RIMS2: variants seen among roughly 807,000 people sequenced by gnomAD.
The protein encoded by RIMS2 is regulating synaptic membrane exocytosis protein 2.
In RIMS2, 59 loss-of-function variants were observed where a neutral mutation model predicts 174.4. The ratio of observed to expected loss-of-function variants is 0.34; its 90% confidence interval spans 0.27 to 0.42. The LOEUF (loss-of-function observed/expected upper bound fraction) is 0.42, where lower values mean the gene tolerates loss of function less well. Among genes scored for constraint, RIMS2 ranks in the 10% least tolerant of loss-of-function variants. The pLI, the probability that RIMS2 is intolerant of heterozygous loss-of-function variation, is 1.00. For synonymous variants in RIMS2, 606 were observed against 572.5 expected, an observed-to-expected ratio of 1.06 and a Z score of -0.84; for missense variants, 1,620 against 1,666.3, an observed-to-expected ratio of 0.97 and a Z score of 0.48.
chr8:103,761,993 C>T (rs1269591203), intron 2 of RIMS2, among the ~76,000 whole-genome samples: 1 of 149,312 alleles, frequency 6.7e-6, no homozygotes, highest in African/African-American at 2.5e-5. Context: ...TTAGATTGCT[C>T]TCAATTATTG....
rs372354430 is a variant in RIMS2 at position 103,535,484 on chromosome 8, C to T, written c.176+34422C>T. Among the ~76,000 whole-genome samples, 146 of 152,168 alleles carry T rather than the reference C, an allele frequency of 9.6e-4. No individual in the cohort carries two copies. In the South Asian group the frequency reaches 0.013, roughly 14 times the overall value. ...GGATTTTAATACTGTAATGTGTAGC[C>T]CCATTATTGAGTCGATTACAGCTAG... On this transcript the variant is annotated intron_variant, in intron 1 of 23. Coordinates refer to ENST00000504942, the Ensembl canonical transcript of RIMS2.
chr8:103,691,280 C>T (rs1046365590), intron 1 of RIMS2, among the ~76,000 whole-genome samples: 1 of 151,924 alleles, frequency 6.6e-6, no homozygotes, highest in African/African-American at 2.4e-5. Flanking sequence ...GAACTTTTAC[C>T]CCATCTCTGT....
At chr8:103,565,490 A>G (rs1346824794) in intron 1 of RIMS2, among the ~76,000 whole-genome samples, 1 of 151,924 alleles carries the variant, frequency 6.6e-6, no homozygotes, top group Non-Finnish European at 1.5e-5. Flanking sequence ...TTTTTTGTAG[A>G]CACGTCGTTT....
intron 3 of RIMS2, among the ~76,000 whole-genome samples, chr8:103,769,329 G>C (rs995916987): frequency 6.6e-6 from 1 of 151,958 alleles, no homozygotes; most frequent in African/African-American, 2.4e-5. Flanking sequence ...TTGTTTGTTT[G>C]TTTGTTTTTG....
intron 19 of RIMS2, among the ~76,000 whole-genome samples, chr8:104,061,103 G>A (rs1259060166): frequency 1.3e-5 from 2 of 152,166 alleles, no homozygotes; most frequent in African/African-American, 4.8e-5. Context: ...GTGCAGAGCT[G>A]AGTTCAATTC....
chr8:104,235,844 T>A (rs2099255488), intron 19 of RIMS2, among the ~76,000 whole-genome samples: 1 of 152,130 alleles, frequency 6.6e-6, no homozygotes, highest in Non-Finnish European at 1.5e-5. Flanking sequence ...TGTTATCTCA[T>A]ATTCATTCCG....
At chr8:103,556,329 A>G (rs1850438564) in intron 1 of RIMS2, among the ~76,000 whole-genome samples, 1 of 152,216 alleles carries the variant, frequency 6.6e-6, no homozygotes, top group Non-Finnish European at 1.5e-5. Flanking sequence ...CAATTAAAAA[A>G]TGAAGATAAA....
chr8:103,529,272 T>A (rs968634566), intron 1 of RIMS2, among the ~76,000 whole-genome samples: 1 of 152,230 alleles, frequency 6.6e-6, no homozygotes, highest in South Asian at 2.1e-4. Context: ...AAGTTGCTTA[T>A]CAGCTTAAGG....
chr8:104,093,386 A>C lies in RIMS2; in HGVS notation c.3334+78771A>C, dbSNP rs2097696381. 3 of 966,490 alleles carry C rather than the reference A, an allele frequency of 3.1e-6. No homozygotes were observed. The South Asian group carries it at 5.8e-5, about 19-fold the overall frequency. The allele number at this position is 966,490 out of a possible 1,614,324, so 59.9% of individuals were successfully genotyped here. A position where few individuals can be genotyped will look rare whatever the true frequency, so the allele number is the denominator to read the frequency against. Reference sequence around the variant, plus strand: ...TTTGCAGTTTCCTCTGTGGACAATTAAAGTGATGAAATAGGAGAAAGCTAA... The same window carrying C: ...TTTGCAGTTTCCTCTGTGGACAATTCAAGTGATGAAATAGGAGAAAGCTAA... On this transcript the variant is annotated intron_variant, in intron 19 of 23. Coordinates refer to ENST00000504942, the Ensembl canonical transcript of RIMS2.
chr8:104,003,724 T>G (rs545324511), intron 17 of RIMS2, among the ~76,000 whole-genome samples: 1 of 152,052 alleles, frequency 6.6e-6, no homozygotes, highest in Non-Finnish European at 1.5e-5. Flanking sequence ...TGAAGAATCT[T>G]ATATACTCTT....
At chr8:104,076,068 T>A (rs1277349367) in intron 19 of RIMS2, among the ~76,000 whole-genome samples, 1 of 152,202 alleles carries the variant, frequency 6.6e-6, no homozygotes, top group Admixed American at 6.5e-5. Flanking sequence ...TTTATGAAGA[T>A]ACATAAACTT....
At chr8:104,006,626 T>TTCTCTCTCTCTCTCTCTC (rs55665972) in intron 17 of RIMS2, among the ~76,000 whole-genome samples, 2 of 138,210 alleles carry the variant, frequency 1.4e-5, no homozygotes, top group Non-Finnish European at 3.1e-5. Flanking sequence ...AGTGATCTAT[T>TTCTCTCTCTCTCTCTCTC]TCTCTCTCTC....
intron 2 of RIMS2, among the ~76,000 whole-genome samples, chr8:103,729,846 T>C (rs948464735): frequency 2.6e-5 from 4 of 152,198 alleles, no homozygotes; most frequent in African/African-American, 9.6e-5. Flanking sequence ...TGTGCTCACA[T>C]GGTTTGTAAA....
rs1052889340 is a variant in RIMS2 at position 104,093,146 on chromosome 8, A to T, written c.3334+78531A>T. Among the ~76,000 whole-genome samples, 6 of 152,054 alleles carry T rather than the reference A, an allele frequency of 3.9e-5. No homozygotes were observed. The South Asian group carries it at 6.2e-4, about 16-fold the overall frequency. On this transcript the variant is annotated intron_variant, in intron 19 of 23. Coordinates refer to ENST00000504942, the Ensembl canonical transcript of RIMS2. ...TTTATTAAAAAATAAAAAAAATTCT[A>T]CTTCCTCATATTAAGCCAAATGTTT...
chr8:103,858,106 A>C (rs182561410), intron 3 of RIMS2, among the ~76,000 whole-genome samples: 5 of 152,170 alleles, frequency 3.3e-5, no homozygotes, highest in Non-Finnish European at 7.3e-5. Flanking sequence ...TCCTGTTTAA[A>C]ATGTTTTATA....
chr8:104,208,520 A>G (rs2137510013), intron 19 of RIMS2, among the ~76,000 whole-genome samples: 1 of 152,124 alleles, frequency 6.6e-6, no homozygotes, highest in East Asian at 1.9e-4. Context: ...GTGATCCGAG[A>G]TCGAGCCACT....
intron 19 of RIMS2, among the ~76,000 whole-genome samples, chr8:104,165,786 G>C (rs547457959): frequency 2.0e-5 from 3 of 152,000 alleles, no homozygotes; most frequent in African/African-American, 7.2e-5. Context: ...TATCAGACTA[G>C]CACTAAGCAC....
At chr8:103,937,017 G>A (rs2081413021) in intron 13 of RIMS2, among the ~76,000 whole-genome samples, 1 of 151,962 alleles carries the variant, frequency 6.6e-6, no homozygotes, top group Non-Finnish European at 1.5e-5. Context: ...AGAATGGCGT[G>A]AGCCCGGGAG....
chr8:103,725,297 A>C (rs1162247862), intron 2 of RIMS2, among the ~76,000 whole-genome samples: 1 of 152,214 alleles, frequency 6.6e-6, no homozygotes, highest in East Asian at 1.9e-4. Context: ...ATTTTGAAAG[A>C]TATGTATATT....
Sources: gnomAD v4.1 joint callset for allele counts (sites outside exome capture counted in the v4.1 genomes callset) on GRCh38, gnomAD v4.1.1 for gene constraint, MANE v1.5 for transcripts, NCBI Gene and HGNC (gene_info 2026-07-23, HGNC 2026-07-21) for gene names.